CNIH3: variants seen among roughly 807,000 people sequenced by gnomAD.
CNIH3 encodes the protein protein cornichon homolog 3.
In CNIH3, 14 loss-of-function variants were observed where a neutral mutation model predicts 24.1. The observed-to-expected ratio is 0.58, with a 90% CI of 0.38 to 0.91. The LOEUF (loss-of-function observed/expected upper bound fraction) is 0.91. Ranked by LOEUF, CNIH3 falls within the 40% of genes least tolerant of loss-of-function variation. CNIH3 has a pLI of 0.00. For synonymous variants in CNIH3, 68 were observed against 73.8 expected, an observed-to-expected ratio of 0.92 and a Z score of 0.40; for missense variants, 178 against 196.8, an observed-to-expected ratio of 0.90 and a Z score of 0.57.
intron 1 of CNIH3, among the ~76,000 whole-genome samples, chr1:224,484,253 A>G (rs566603066): frequency 6.6e-6 from 1 of 151,340 alleles, no homozygotes; most frequent in Admixed American, 6.6e-5. Context: ...ACACGGTGAA[A>G]CCCTGTCTAT....
chr1:224,673,322 T>C (rs1398520647), intron 1 of CNIH3, among the ~76,000 whole-genome samples: 1 of 152,194 alleles, frequency 6.6e-6, no homozygotes, highest in East Asian at 1.9e-4. Flanking sequence ...TTTGGGGAGC[T>C]GCAGTTGGAT....
chr1:224,449,402 G>C (rs888553537), intron 1 of CNIH3, among the ~76,000 whole-genome samples: 1 of 152,002 alleles, frequency 6.6e-6, no homozygotes, highest in African/African-American at 2.4e-5. Context: ...TAATAGTTTG[G>C]GTTTACATCT....
At chr1:224,730,641 A>T in intron 4 of CNIH3, 67 bp downstream of exon 4, 1 of 921,028 alleles carries the variant, frequency 1.1e-6, no homozygotes, top group Non-Finnish European at 1.7e-6. Flanking sequence ...TCCAGTGATG[A>T]TGTCACCCAA....
chr1:224,617,489 G>A (rs1558217145), intron 1 of CNIH3, among the ~76,000 whole-genome samples: 1 of 152,146 alleles, frequency 6.6e-6, no homozygotes, highest in Non-Finnish European at 1.5e-5. Context: ...TGCAGGGCCC[G>A]ACTGGGCGTC....
intron 1 of CNIH3, among the ~76,000 whole-genome samples, chr1:224,500,480 T>G (rs1677608585): frequency 6.6e-6 from 1 of 152,178 alleles, no homozygotes; most frequent in Non-Finnish European, 1.5e-5. Context: ...GAAACCAGCC[T>G]GGCCAACATG....
At chr1:224,581,592 G>T (rs533587054) in intron 4 of CNIH3, among the ~76,000 whole-genome samples, 1 of 152,216 alleles carries the variant, frequency 6.6e-6, no homozygotes, top group South Asian at 2.1e-4. Context: ...CTCCTCACTG[G>T]CTCCCTTTAA....
chr1:224,591,614 A>G (rs1681758299), downstream of CNIH3, among the ~76,000 whole-genome samples: 2 of 152,126 alleles, frequency 1.3e-5, no homozygotes, highest in South Asian at 4.1e-4. Context: ...GTGGTTTTAT[A>G]GGTTTCAGAT....
intron 1 of CNIH3, among the ~76,000 whole-genome samples, chr1:224,640,083 A>G (rs184151645): frequency 6.6e-6 from 1 of 152,188 alleles, no homozygotes; most frequent in Non-Finnish European, 1.5e-5. Context: ...GTGCCTTGCA[A>G]ATAAATGCCC....
At chr1:224,586,649 A>G (rs1368508276) in intron 5 of CNIH3, among the ~76,000 whole-genome samples, 1 of 152,192 alleles carries the variant, frequency 6.6e-6, no homozygotes, top group Non-Finnish European at 1.5e-5. Flanking sequence ...GTGTCCCCCA[A>G]GTTTGTGTTC....
chr1:224,647,740 C>T (rs1684681935), intron 1 of CNIH3, among the ~76,000 whole-genome samples: 1 of 152,094 alleles, frequency 6.6e-6, no homozygotes, highest in South Asian at 2.1e-4. Context: ...AGAAGGTGGG[C>T]TGGGAGCCAG....
intron 3 of CNIH3, among the ~76,000 whole-genome samples, chr1:224,716,199 G>C (rs550696986): frequency 1.3e-5 from 2 of 152,168 alleles, no homozygotes; most frequent in Admixed American, 6.5e-5. Context: ...ACAAAGAAAG[G>C]TAGGGCCAAA....
At chr1:224,511,856 C>T (rs1010469797), upstream of CNIH3, among the ~76,000 whole-genome samples, 52 of 151,748 alleles carry the variant, frequency 3.4e-4, no homozygotes, top group African/African-American at 1.2e-3. Flanking sequence ...CTATCTCAAA[C>T]AAAACAAATT....
At position 224,487,870 on chromosome 1, in the gene CNIH3, GAAACCCTTTCCTTCTTTAA is replaced by G. The variant is rs1370169660; in HGVS notation, n.204-27852_204-27834del. On this transcript the variant is annotated intron_variant and non_coding_transcript_variant, in intron 1 of 5. Coordinates refer to the CNIH3 transcript ENST00000471578. The stretch of plus-strand genomic sequence containing the variant: ...AAAGAGTAAAAAACAGAGGCCATTG[GAAACCCTTTCCTTCTTTAA>G]AAACCCTTTCCTTCTTTATTGTTTC... Among the ~76,000 whole-genome samples the G allele has an allele frequency of 4.6e-5, 7 of 152,166 alleles. No homozygotes were observed. The South Asian group carries it at 1.5e-3, about 32-fold the overall frequency.
intron 3 of CNIH3, among the ~76,000 whole-genome samples, chr1:224,551,796 A>G (rs997934918): frequency 6.6e-6 from 1 of 151,140 alleles, no homozygotes; most frequent in African/African-American, 2.4e-5. Context: ...GGAGTCATAC[A>G]TCTCCCAAAA....
chr1:224,575,186 G>A, intron 4 of CNIH3: 1 of 1,160,890 alleles, frequency 8.6e-7, no homozygotes, highest in South Asian at 1.2e-5. Flanking sequence ...CCCAGGTTCT[G>A]ATCTGGTTCC....
At chr1:224,577,170 C>A (rs1572510998) in intron 4 of CNIH3, among the ~76,000 whole-genome samples, 1 of 151,996 alleles carries the variant, frequency 6.6e-6, no homozygotes, top group South Asian at 2.1e-4. Flanking sequence ...CTTCATGAAC[C>A]CAAAAGCAAA....
At chr1:224,648,385 T>A (rs1321643272) in intron 1 of CNIH3, among the ~76,000 whole-genome samples, 1 of 142,750 alleles carries the variant, frequency 7.0e-6, no homozygotes, top group Non-Finnish European at 1.5e-5. Flanking sequence ...CACTCCAGCC[T>A]GGGTGACAGA....
At chr1:224,569,157 T>C (rs1003203393) in intron 4 of CNIH3, among the ~76,000 whole-genome samples, 2 of 152,240 alleles carry the variant, frequency 1.3e-5, no homozygotes, top group African/African-American at 4.8e-5. Context: ...CGTGAGCCTC[T>C]GCACCTGGCC....
At chr1:224,442,101 C>T (rs1034309705) in intron 1 of CNIH3, among the ~76,000 whole-genome samples, 1 of 150,748 alleles carries the variant, frequency 6.6e-6, no homozygotes, top group Non-Finnish European at 1.5e-5. Flanking sequence ...TCACTGCACC[C>T]ACCTTGAGGT....
Sources: gnomAD v4.1 joint callset for allele counts (sites outside exome capture counted in the v4.1 genomes callset) on GRCh38, gnomAD v4.1.1 for gene constraint, MANE v1.5 for transcripts, NCBI Gene and HGNC (gene_info 2026-07-23, HGNC 2026-07-21) for gene names.